The following MPDZ variants were observed in gnomAD, a reference collection of about 807,000 sequenced individuals.
MPDZ encodes the protein multiple PDZ domain crumbs cell polarity complex component.
Under a neutral mutation model 239.1 loss-of-function variants are expected in MPDZ, and 234 were observed. The observed-to-expected ratio is 0.98, with a 90% CI of 0.88 to 1.09. The LOEUF (loss-of-function observed/expected upper bound fraction) is 1.09. Ranked by LOEUF, MPDZ falls within the 50% of genes least tolerant of loss-of-function variation. The pLI, the probability that MPDZ is intolerant of heterozygous loss-of-function variation, is 0.00. For missense variants in MPDZ, 3,175 were observed against 2,510.0 expected (o/e 1.26, Z -5.66); for synonymous variants, 1,048 against 881.3 (o/e 1.19, Z -3.35).
At chr9:13,124,854 C>T (rs777855951) in intron 35 of MPDZ, among the ~76,000 whole-genome samples, 2 of 152,086 alleles carry the variant, frequency 1.3e-5, no homozygotes, top group East Asian at 1.9e-4. Context: ...AAAGAATCTA[C>T]GAAATGATAT....
At chr9:13,153,463 A>G (rs1405663169) in intron 24 of MPDZ, among the ~76,000 whole-genome samples, 3 of 152,046 alleles carry the variant, frequency 2.0e-5, no homozygotes, top group African/African-American at 7.2e-5. Flanking sequence ...TTTTGTTTTG[A>G]GACAGGGTCT....
At position 13,119,960 on chromosome 9, in the gene MPDZ, G is replaced by C. The variant is rs140665607; in HGVS notation, c.5232-311C>G. 9.0e-4 allele frequency: 291 copies of C among 324,478 alleles called. 3 individuals are homozygous for C. The East Asian group carries it at 0.015, about 17-fold the overall frequency. 20.1% of individuals were successfully genotyped at this position (324,478 alleles called of 1,614,324 possible). A position where few individuals can be genotyped will look rare whatever the true frequency, so the allele number is the denominator to read the frequency against. On this transcript the variant is annotated intron_variant, in intron 38 of 46. Coordinates refer to ENST00000319217, the MANE Select transcript of MPDZ (RefSeq NM_001378778.1). ...GTCACTCGGCTACTAAGTGGCAAAA[G>C]TAAGACTTAAGAGTCAGTCCTTGGA... is the stretch of plus-strand genomic sequence containing the variant.
At chr9:13,126,878 A>C (rs889320161) in intron 32 of MPDZ, 106 bp from the exon 33 acceptor site, 1 of 888,032 alleles carries the variant, frequency 1.1e-6, no homozygotes, top group Non-Finnish European at 1.8e-6. Context: ...TGAAGTCCAG[A>C]AATCTAAGAC....
chr9:13,205,090 C>T lies in MPDZ; in HGVS notation c.1492G>A (p.Glu498Lys), dbSNP rs749987058. The change falls in exon 12 of 47, where the codon GAA (glutamate) becomes AAA (lysine). Residue 498 changes from glutamate (E) to lysine (K), a missense_variant. Physicochemically the swap from Glu to Lys is moderately conservative, Grantham distance 56. Transcript: ENST00000319217. ...TTTCTCGTCGAAGATAAAAAATCTTCATCTTTTTCATAATTTTCTTAAAGA... is the reference window on the plus strand; with the variant it reads ...TTTCTCGTCGAAGATAAAAAATCTTTATCTTTTTCATAATTTTCTTAAAGA... ...SIIKENYEKDEDFLSSTRNTN... is the reference protein window; with the variant it reads ...SIIKENYEKDKDFLSSTRNTN... 4 of 1,435,518 alleles carry T rather than the reference C, an allele frequency of 2.8e-6. No individual in the cohort carries two copies. The highest frequency in any genetic ancestry group is 3.7e-6 in the Non-Finnish European group (4 of 1,090,464). The allele number at this position is 1,435,518 out of a possible 1,614,324, so 88.9% of individuals were successfully genotyped here.
intron 14 of MPDZ, 58 bp downstream of exon 14, chr9:13,193,109 T>C (rs1955170898): frequency 1.4e-6 from 2 of 1,389,292 alleles, no homozygotes; most frequent in Non-Finnish European, 1.9e-6. Context: ...ACATTAAGCC[T>C]CCTGCAAGCT....
chr9:13,195,598 T>C (rs1250871247), intron 13 of MPDZ, among the ~76,000 whole-genome samples: 20 of 152,120 alleles, frequency 1.3e-4, no homozygotes, highest in Non-Finnish European at 2.8e-4. Flanking sequence ...ACAATGGCTA[T>C]GCTAGATATA....
rs138024845 is a variant in MPDZ at position 13,111,463 on chromosome 9, G to T, written c.5724+561C>A. The stretch of plus-strand genomic sequence containing the variant: ...AACCATAGAGATTTTGCTTTAGAGA[G>T]ACTGAGTTGCGTTAATGGAATATTC... On this transcript the variant is annotated intron_variant, in intron 43 of 46. Transcript: ENST00000319217. 5.3e-5 allele frequency among the ~76,000 whole-genome samples: 8 copies of T among 152,304 alleles called. No individual in the cohort carries two copies. The East Asian group carries it at 1.5e-3, about 29-fold the overall frequency.
At position 13,143,501 on chromosome 9, in the gene MPDZ, G is replaced by C; in HGVS notation, c.3805C>G (p.Pro1269Ala). 6.2e-7 allele frequency: 1 copy of C among 1,613,074 alleles called. No homozygotes were observed. Among genetic ancestry groups the C allele is most frequent in the South Asian group, 1.1e-5 (1 of 91,054 alleles). ...YPKYNFSSTN[P>A]FADSLQINAD... ...TTGATTTGTAGAGAGTCAGCAAATGGGTTAGTGCTGCTGAAGTTGTACTTA... is the reference window on the plus strand; with the variant it reads ...TTGATTTGTAGAGAGTCAGCAAATGCGTTAGTGCTGCTGAAGTTGTACTTA... Residue 1269 changes from proline to alanine, a missense_variant, in exon 27 of 47, where the codon CCA becomes GCA. Transcript: ENST00000319217.
At chr9:13,207,473 G>A (rs1212539912) in intron 10 of MPDZ, among the ~76,000 whole-genome samples, 1 of 152,122 alleles carries the variant, frequency 6.6e-6, no homozygotes, top group East Asian at 1.9e-4. Flanking sequence ...CTTCAGCCAT[G>A]GAGTCTCCGC....
intron 24 of MPDZ, among the ~76,000 whole-genome samples, chr9:13,157,299 A>C (rs1262087550): frequency 6.6e-6 from 1 of 152,136 alleles, no homozygotes; most frequent in African/African-American, 2.4e-5. Context: ...TTGTGTTCTT[A>C]AATTGTTTCA....
intron 3 of MPDZ, among the ~76,000 whole-genome samples, chr9:13,237,807 T>C (rs1964460942): frequency 6.6e-6 from 1 of 152,084 alleles, no homozygotes; most frequent in Non-Finnish European, 1.5e-5. Context: ...AATTTGTTGA[T>C]AAGACTGCAA....
intron 1 of MPDZ, among the ~76,000 whole-genome samples, chr9:13,253,483 C>G (rs1480715457): frequency 1.3e-5 from 2 of 152,142 alleles, no homozygotes; most frequent in African/African-American, 4.8e-5. Flanking sequence ...CATCTGTAAT[C>G]ACAAAATTTT....
At chr9:13,261,809 A>C (rs928922949) in intron 1 of MPDZ, among the ~76,000 whole-genome samples, 21 of 150,552 alleles carry the variant, frequency 1.4e-4, no homozygotes, top group African/African-American at 5.1e-4. Context: ...AGGTGAGAGG[A>C]TCACTTTTAG....
chr9:13,133,175 G>C (rs1372779782), intron 32 of MPDZ, among the ~76,000 whole-genome samples: 2 of 152,098 alleles, frequency 1.3e-5, no homozygotes, highest in African/African-American at 4.8e-5. Flanking sequence ...AGGAGGAAAA[G>C]AAACTAAGAG....
At chr9:13,221,222 T>G in intron 7 of MPDZ, 150 bp downstream of exon 7, 1 of 770,062 alleles carries the variant, frequency 1.3e-6, no homozygotes, top group Non-Finnish European at 1.9e-6. Context: ...TAAGACAACA[T>G]TTTAGGGACA....
chr9:13,240,783 A>G (rs1265540645), intron 3 of MPDZ, among the ~76,000 whole-genome samples: 1 of 152,024 alleles, frequency 6.6e-6, no homozygotes, highest in Non-Finnish European at 1.5e-5. Context: ...TCTATAGCAC[A>G]TAAGGGCTTC....
In MPDZ at chr9:13,121,944, T is replaced by C; in HGVS notation, c.5038-12A>G. The C allele has an allele frequency of 1.2e-6, 2 of 1,611,076 alleles. No individual in the cohort carries two copies. Among genetic ancestry groups the C allele is most frequent in the Non-Finnish European group, 1.7e-6 (2 of 1,177,970 alleles). On this transcript the variant is annotated splice_polypyrimidine_tract_variant and intron_variant, in intron 37 of 46. Coordinates refer to ENST00000319217, the MANE Select transcript of MPDZ (RefSeq NM_001378778.1). ...TCAATTCCATTCACCTGTACAGAAA[T>C]GGGACACTGACTGTAAGGAACATGA...
At chr9:13,237,491 T>C (rs1352872272) in intron 3 of MPDZ, among the ~76,000 whole-genome samples, 1 of 149,488 alleles carries the variant, frequency 6.7e-6, no homozygotes, top group Non-Finnish European at 1.5e-5. Flanking sequence ...AAAGTGTTTA[T>C]GCTGCATAAT....
chr9:13,213,248 T>C (rs892475547), intron 10 of MPDZ, among the ~76,000 whole-genome samples: 5 of 152,084 alleles, frequency 3.3e-5, no homozygotes, highest in Admixed American at 6.6e-5. Context: ...ATTCAGTCTA[T>C]TCCTTGTCAC....
Sources: allele counts gnomAD v4.1 joint callset (sites outside exome capture counted in the v4.1 genomes callset), GRCh38; gene constraint gnomAD v4.1.1; transcripts MANE v1.5; gene names NCBI Gene and HGNC (gene_info 2026-07-23, HGNC 2026-07-21).